ATG10: variants seen among roughly 807,000 people sequenced by gnomAD.
ATG10 encodes the protein ubiquitin-like-conjugating enzyme ATG10.
Under a neutral mutation model 32.1 loss-of-function variants are expected in ATG10, and 30 were observed. That is an observed-to-expected ratio of 0.94 (90% CI 0.70 to 1.27). The LOEUF is 1.27. ATG10 is among the 50% of genes most tolerant of loss of function. The probability of loss-of-function intolerance (pLI) is 0.00; values close to 1 mark genes in which losing one functional copy is unlikely to be tolerated. For synonymous variants in ATG10, 87 were observed against 91.5 expected (o/e 0.95, Z 0.28); for missense variants, 233 against 262.3 (o/e 0.89, Z 0.77).
intron 3 of ATG10, among the ~76,000 whole-genome samples, chr5:82,086,367 A>G (rs1361403070): frequency 6.6e-6 from 1 of 152,242 alleles, no homozygotes; most frequent in African/African-American, 2.4e-5. Flanking sequence ...TTAACAAAAT[A>G]ATACCATGAA....
At chr5:82,158,813 G>A (rs1767912119) in intron 3 of ATG10, among the ~76,000 whole-genome samples, 1 of 152,164 alleles carries the variant, frequency 6.6e-6, no homozygotes. Context: ...TAACAGTTAA[G>A]TGGTATACTA....
chr5:82,144,572 GTTATTTAGAAGT>G (rs1227414562), intron 3 of ATG10, among the ~76,000 whole-genome samples: 1 of 151,194 alleles, frequency 6.6e-6, no homozygotes, highest in Non-Finnish European at 1.5e-5. Flanking sequence ...TGACCCATGG[GTTATTTAGAAGT>G]ATATTGTTTT....
chr5:82,050,917 A>T (rs140545075), intron 2 of ATG10, among the ~76,000 whole-genome samples: 3 of 149,876 alleles, frequency 2.0e-5, no homozygotes, highest in African/African-American at 7.3e-5. Context: ...AGACTGAGGC[A>T]GGAGGATGGC....
chr5:81,974,232 C>A (rs1561233029), intron 1 of ATG10, among the ~76,000 whole-genome samples: 1 of 152,038 alleles, frequency 6.6e-6, no homozygotes, highest in Non-Finnish European at 1.5e-5. Flanking sequence ...CCATGGAGAT[C>A]ATTTGGTGAT....
chr5:82,112,700 A>G (rs77096431), intron 3 of ATG10, among the ~76,000 whole-genome samples: 2,042 of 152,032 alleles, frequency 0.013, 53 homozygotes, highest in African/African-American at 0.047. Context: ...TGGCATAAAC[A>G]TGCATTTTAC....
intron 5 of ATG10, among the ~76,000 whole-genome samples, chr5:82,230,550 G>C (rs1746320213): frequency 6.6e-6 from 1 of 151,846 alleles, no homozygotes; most frequent in South Asian, 2.1e-4. Flanking sequence ...TGGCTAACAT[G>C]GTGAAACCCC....
chr5:82,079,366 CTT>C (rs763929580), intron 3 of ATG10, among the ~76,000 whole-genome samples: 4 of 142,866 alleles, frequency 2.8e-5, no homozygotes, highest in East Asian at 4.0e-4. Context: ...TTCAGGGAAA[CTT>C]TTTTTTTTTT....
intron 3 of ATG10, among the ~76,000 whole-genome samples, chr5:82,103,341 A>G (rs1765340177): frequency 1.3e-5 from 2 of 152,176 alleles, no homozygotes; most frequent in African/African-American, 4.8e-5. Context: ...GTATTCTAAA[A>G]TGAAGTCCTA....
chr5:82,128,615 C>T (rs1432181566), intron 3 of ATG10, among the ~76,000 whole-genome samples: 1 of 150,290 alleles, frequency 6.7e-6, no homozygotes, highest in African/African-American at 2.4e-5. Flanking sequence ...GAATATTGGC[C>T]CCCACTCTCT....
intron 5 of ATG10, among the ~76,000 whole-genome samples, chr5:82,211,363 C>T (rs1561359556): frequency 6.6e-6 from 1 of 151,954 alleles, no homozygotes; most frequent in Admixed American, 6.6e-5. Context: ...ATTCTCTGCT[C>T]ATGATGTAAG....
rs758315008 is a variant in ATG10, at chr5:82,178,387, T to A, written c.356-103T>A. On this transcript the variant is annotated intron_variant, in intron 4 of 7. Transcript: ENST00000282185. ...ATATAAATAGCATGTGCACTGAAGATCTTTCTAAAAGTCATGATATTCTTC... is the reference window on the plus strand; with the variant it reads ...ATATAAATAGCATGTGCACTGAAGAACTTTCTAAAAGTCATGATATTCTTC... The A allele has an allele frequency of 1.0e-3, 735 of 708,760 alleles. 3 individuals are homozygous for A. The highest frequency in any genetic ancestry group is 1.1e-3 in the Non-Finnish European group (448 of 392,958). The allele number at this position is 708,760 out of a possible 1,614,324, so 43.9% of individuals were successfully genotyped here.
intron 3 of ATG10, among the ~76,000 whole-genome samples, chr5:82,114,912 T>G (rs975335067): frequency 3.3e-5 from 5 of 152,102 alleles, no homozygotes; most frequent in Admixed American, 1.3e-4. Context: ...CAGTACAATA[T>G]GATCGCTACT....
chr5:82,107,326 CTT>C (rs1765473351), intron 3 of ATG10, among the ~76,000 whole-genome samples: 1 of 151,844 alleles, frequency 6.6e-6, no homozygotes, highest in African/African-American at 2.4e-5. Flanking sequence ...ATAGACAAAC[CTT>C]TTTACATGTA....
intron 2 of ATG10, among the ~76,000 whole-genome samples, chr5:82,005,291 GTTTTC>G (rs1235426402): frequency 6.6e-6 from 1 of 151,986 alleles, no homozygotes; most frequent in African/African-American, 2.4e-5. Flanking sequence ...AATTATTCTT[GTTTTC>G]TTTTGTTTTG....
intron 2 of ATG10, among the ~76,000 whole-genome samples, chr5:82,008,568 T>C (rs948006398): frequency 2.6e-5 from 4 of 152,230 alleles, no homozygotes; most frequent in Admixed American, 2.0e-4. Context: ...CTTCACAAAT[T>C]TATAAATGAA....
At chr5:82,141,902 C>T (rs901983559) in intron 3 of ATG10, among the ~76,000 whole-genome samples, 8 of 151,770 alleles carry the variant, frequency 5.3e-5, no homozygotes, top group African/African-American at 1.9e-4. Context: ...ATATCATCTT[C>T]TCAACATGTA....
At chr5:82,187,274 G>A (rs1744483915) in intron 5 of ATG10, among the ~76,000 whole-genome samples, 2 of 152,038 alleles carry the variant, frequency 1.3e-5, no homozygotes, top group Non-Finnish European at 2.9e-5. Flanking sequence ...ACTTTAGGAG[G>A]CCAAGGCAGG....
chr5:82,193,428 C>G (rs1248711028), intron 5 of ATG10, among the ~76,000 whole-genome samples: 1 of 152,200 alleles, frequency 6.6e-6, no homozygotes, highest in Non-Finnish European at 1.5e-5. Flanking sequence ...TTGCAGTGAT[C>G]TGTCCTTCAC....
chr5:82,007,527 A>G lies in ATG10; in HGVS notation c.108+19849A>G, dbSNP rs550468022. 2.2e-3 allele frequency among the ~76,000 whole-genome samples: 340 copies of G among 152,224 alleles called. 1 individual carries two copies. Among genetic ancestry groups the G allele is most frequent in the African/African-American group, 7.9e-3 (328 of 41,542 alleles). ...GAGTGCAACAGTGCAATTTCGGTTCACTGCAGTCTCCGCCTACTGGGCTCA... is the reference window on the plus strand; with the variant it reads ...GAGTGCAACAGTGCAATTTCGGTTCGCTGCAGTCTCCGCCTACTGGGCTCA... On this transcript the variant is annotated intron_variant, in intron 2 of 7. Coordinates refer to ENST00000282185, the MANE Select transcript of ATG10 (RefSeq NM_031482.5).
Sources: allele counts gnomAD v4.1 joint callset (sites outside exome capture counted in the v4.1 genomes callset), GRCh38; gene constraint gnomAD v4.1.1; transcripts MANE v1.5; gene names NCBI Gene and HGNC (gene_info 2026-07-23, HGNC 2026-07-21).